AGBL4: variants seen among roughly 807,000 people sequenced by gnomAD.
The protein encoded by AGBL4 is cytosolic carboxypeptidase 6.
AGBL4 carries 58 observed loss-of-function variants against 66.4 expected under a neutral mutation model. The observed-to-expected ratio is 0.87, with a 90% CI of 0.71 to 1.09. The LOEUF is 1.09. Ranked by LOEUF, AGBL4 falls within the 50% of genes least tolerant of loss-of-function variation. AGBL4 has a pLI of 0.00. For synonymous variants in AGBL4, 234 were observed against 222.9 expected (o/e 1.05, Z -0.44); for missense variants, 579 against 631.0 (o/e 0.92, Z 0.88).
intron 4 of AGBL4, among the ~76,000 whole-genome samples, chr1:49,160,821 C>T (rs1345898761): frequency 6.6e-6 from 1 of 152,146 alleles, no homozygotes; most frequent in Non-Finnish European, 1.5e-5. Context: ...CCAACCAATT[C>T]GAACTTCCAG....
At chr1:49,098,379 C>T (rs1477824297) in intron 4 of AGBL4, among the ~76,000 whole-genome samples, 1 of 152,086 alleles carries the variant, frequency 6.6e-6, no homozygotes, top group African/African-American at 2.4e-5. Context: ...CATAGAAGAC[C>T]CAATATAGCA....
At chr1:48,754,741 C>T (rs372724546) in intron 6 of AGBL4, among the ~76,000 whole-genome samples, 1 of 152,092 alleles carries the variant, frequency 6.6e-6, no homozygotes, top group African/African-American at 2.4e-5. Flanking sequence ...ATGCTAAGAT[C>T]ACAGACAAGG....
intron 3 of AGBL4, among the ~76,000 whole-genome samples, chr1:49,579,960 A>G (rs1644509887): frequency 6.6e-6 from 1 of 152,134 alleles, no homozygotes; most frequent in Admixed American, 6.5e-5. Flanking sequence ...CTTTAGGTCT[A>G]GTAATATTTG....
chr1:49,082,077 T>C (rs891185397), intron 4 of AGBL4, among the ~76,000 whole-genome samples: 1 of 152,192 alleles, frequency 6.6e-6, no homozygotes, highest in Non-Finnish European at 1.5e-5. Flanking sequence ...ATCTCTAAGA[T>C]GTGTTCAACA....
intron 6 of AGBL4, chr1:48,776,795 A>G (rs1645114879): frequency 6.6e-7 from 1 of 1,524,586 alleles, no homozygotes; most frequent in African/African-American, 1.4e-5. Context: ...AGCGCGTAGC[A>G]GACGTTGTCC....
At chr1:48,822,702 C>T (rs1373862720) in intron 6 of AGBL4, among the ~76,000 whole-genome samples, 1 of 152,190 alleles carries the variant, frequency 6.6e-6, no homozygotes, top group African/African-American at 2.4e-5. Context: ...ATAAACTACA[C>T]CATTGGCTCT....
At chr1:48,750,842 C>T (rs187846496) in intron 6 of AGBL4, among the ~76,000 whole-genome samples, 6 of 152,200 alleles carry the variant, frequency 3.9e-5, no homozygotes, top group Admixed American at 3.3e-4. Context: ...GGAGGCTAGA[C>T]GAGGTGAACT....
chr1:49,316,069 A>G (rs1236071969), intron 3 of AGBL4, among the ~76,000 whole-genome samples: 3 of 151,994 alleles, frequency 2.0e-5, no homozygotes, highest in Non-Finnish European at 4.4e-5. Context: ...CAAAACTATG[A>G]CAGTAAGATC....
chr1:48,815,550 A>G (rs1210620621), intron 6 of AGBL4, among the ~76,000 whole-genome samples: 3 of 152,198 alleles, frequency 2.0e-5, no homozygotes, highest in Non-Finnish European at 1.5e-5. Context: ...TATCTAAAAA[A>G]AAATAGGTGT....
chr1:48,568,428 T>G (rs1366941638), intron 11 of AGBL4, among the ~76,000 whole-genome samples: 1 of 152,176 alleles, frequency 6.6e-6, no homozygotes, highest in Non-Finnish European at 1.5e-5. Flanking sequence ...CCTTTCTCCC[T>G]GTTCATCCTG....
chr1:49,672,937 A>AG (rs1215352499), intron 3 of AGBL4, among the ~76,000 whole-genome samples: 22 of 150,482 alleles, frequency 1.5e-4, no homozygotes, highest in African/African-American at 4.1e-4. Flanking sequence ...AAAAAAAAAA[A>AG]AAAAGAAAAG....
At chr1:48,719,122 C>A (rs1281941247) in intron 6 of AGBL4, among the ~76,000 whole-genome samples, 1 of 152,136 alleles carries the variant, frequency 6.6e-6, no homozygotes, top group Non-Finnish European at 1.5e-5. Context: ...GGAGGTGGCT[C>A]AGGAAAGACC....
At chr1:49,464,676 A>G (rs1037659342) in intron 3 of AGBL4, among the ~76,000 whole-genome samples, 6 of 151,786 alleles carry the variant, frequency 4.0e-5, no homozygotes, top group African/African-American at 1.2e-4. Context: ...AAAGAGCCCA[A>G]TCTCTAGTGA....
intron 9 of AGBL4, 148 bp from the exon 10 acceptor site, chr1:48,591,133 T>A: frequency 1.4e-6 from 1 of 715,898 alleles, no homozygotes; most frequent in Non-Finnish European, 2.1e-6. Flanking sequence ...ACCCTGTGTG[T>A]CAGCAGATTT....
At chr1:49,852,232 A>G (rs1041516841) in intron 1 of AGBL4, among the ~76,000 whole-genome samples, 4 of 152,202 alleles carry the variant, frequency 2.6e-5, no homozygotes, top group African/African-American at 9.6e-5. Flanking sequence ...ATATCGAAGG[A>G]AAGTCAAGCC....
At chr1:49,844,489 T>A (rs1265861676) in intron 2 of AGBL4, among the ~76,000 whole-genome samples, 1 of 152,166 alleles carries the variant, frequency 6.6e-6, no homozygotes, top group Non-Finnish European at 1.5e-5. Context: ...TCCTTATTCC[T>A]TATTTTCCTC....
intron 4 of AGBL4, among the ~76,000 whole-genome samples, chr1:49,175,622 C>T (rs1250825063): frequency 2.0e-5 from 3 of 152,206 alleles, no homozygotes; most frequent in Admixed American, 6.5e-5. Context: ...ATTTCTAACT[C>T]TCATATGCTA....
chr1:49,243,354 C>T (rs927188356), intron 4 of AGBL4, among the ~76,000 whole-genome samples: 1 of 151,686 alleles, frequency 6.6e-6, no homozygotes, highest in Non-Finnish European at 1.5e-5. Flanking sequence ...TTGGGATAGA[C>T]TCCTTGGAGC....
chr1:49,218,801 G>T (rs1268126462), intron 4 of AGBL4, among the ~76,000 whole-genome samples: 1 of 152,076 alleles, frequency 6.6e-6, no homozygotes, highest in Admixed American at 6.6e-5. Context: ...ACAGCGGGAG[G>T]TAACTGAATC....
Sources: allele counts gnomAD v4.1 joint callset (sites outside exome capture counted in the v4.1 genomes callset), GRCh38; gene constraint gnomAD v4.1.1; transcripts MANE v1.5; gene names NCBI Gene and HGNC (gene_info 2026-07-23, HGNC 2026-07-21).